The following CEP104 variants were observed in gnomAD, a reference collection of about 807,000 sequenced individuals.
CEP104 encodes the protein centrosomal protein 104.
A neutral mutation model predicts 113.3 loss-of-function variants in CEP104; 84 were observed. That is an observed-to-expected ratio of 0.74 (90% confidence interval 0.62 to 0.89). The LOEUF (loss-of-function observed/expected upper bound fraction) is 0.89. CEP104 is among the 40% of genes least tolerant of loss of function. CEP104 has a pLI of 0.00. For missense variants in CEP104, 1,053 were observed against 1,156.6 expected, an observed-to-expected ratio of 0.91 and a Z score of 1.30; for synonymous variants, 378 against 421.7, an observed-to-expected ratio of 0.90 and a Z score of 1.27.
intron 10 of CEP104, 72 bp from the exon 11 acceptor site, chr1:3,835,164 G>T (rs1378664824): frequency 4.4e-5 from 44 of 1,009,564 alleles, no homozygotes; most frequent in Middle Eastern, 2.5e-4. Flanking sequence ...TGAAGGCTTT[G>T]TTTTTTTTTT....
chr1:3,852,359 C>T lies in CEP104; in HGVS notation c.49G>A (p.Asp17Asn). The T allele has an allele frequency of 6.2e-7, 1 of 1,614,142 alleles. No individual in the cohort carries two copies. The highest frequency in any genetic ancestry group is 8.5e-7 in the Non-Finnish European group (1 of 1,180,008). The part of the protein sequence containing the change: ...FVVVSSSGHE[D>N]GFSARELMIH... ...ATGAGCTCCCGGGCACTGAAGCCGTCTTCGTGTCCAGATGAGCTGACGACT... is the reference window on the plus strand; with the variant it reads ...ATGAGCTCCCGGGCACTGAAGCCGTTTTCGTGTCCAGATGAGCTGACGACT... The change falls in exon 2 of 22, where the codon GAC becomes AAC. Residue 17 changes from aspartate (D) to asparagine (N), a missense_variant. By Grantham distance (23) the Asp-to-Asn change is conservative (BLOSUM62 1). Coordinates refer to ENST00000378230, the MANE Select transcript of CEP104 (RefSeq NM_014704.4).
At chr1:3,842,517 G>A (rs981326924) in intron 6 of CEP104, among the ~76,000 whole-genome samples, 3 of 152,218 alleles carry the variant, frequency 2.0e-5, no homozygotes, top group African/African-American at 7.2e-5. Flanking sequence ...GGGAAGGCTC[G>A]CTGTCCACCA....
At chr1:3,842,371 C>T (rs1445651267) in intron 6 of CEP104, among the ~76,000 whole-genome samples, 3 of 152,230 alleles carry the variant, frequency 2.0e-5, no homozygotes, top group Admixed American at 6.5e-5. Context: ...TGAGCCACCG[C>T]GCCCGGCCTT....
At position 3,848,449 on chromosome 1, in the gene CEP104, G is replaced by A. The variant is rs574109445; in HGVS notation, c.287+159C>T. ...CGGGAGGCTGAGGCAGGAGAATGGC[G>A]TGAACCCGGGAGGCAGAGGCTGCAG... On this transcript the variant is annotated intron_variant, in intron 3 of 21. Coordinates refer to ENST00000378230, the MANE Select transcript of CEP104 (RefSeq NM_014704.4). Among the ~76,000 whole-genome samples, 3 of 148,464 alleles carry A rather than the reference G, an allele frequency of 2.0e-5. No homozygotes were observed. In the South Asian group the frequency reaches 6.4e-4, roughly 32 times the overall value.
chr1:3,838,726 C>T (rs1028097206), intron 8 of CEP104, among the ~76,000 whole-genome samples: 20 of 152,188 alleles, frequency 1.3e-4, no homozygotes, highest in African/African-American at 4.3e-4. Flanking sequence ...AGCAGGGCCT[C>T]GGTTTTCCTG....
At position 3,823,453 on chromosome 1, in the gene CEP104, G is replaced by T. The variant is rs772459042; in HGVS notation, c.2474C>A (p.Pro825His). The T allele has an allele frequency of 6.2e-7, 1 of 1,614,186 alleles. No homozygotes were observed. Among genetic ancestry groups the T allele is most frequent in the South Asian group, 1.1e-5 (1 of 91,080 alleles). ...GCAATCCTTGTGTTTTATGTGTCTG[G>T]GCAGCTCTTCCTTGAAAACAGCCTC... ...CSEAVFKEEL[P>H]RHIKHKDCNP... is the part of the protein sequence containing the mutation. The change falls in exon 19 of 22, where the codon CCC becomes CAC. Residue 825 changes from proline to histidine, a missense_variant. By Grantham distance (77) the Pro-to-His change is moderately conservative (BLOSUM62 -2). Coordinates refer to ENST00000378230, the MANE Select transcript of CEP104 (RefSeq NM_014704.4). The surrounding 1 kb of genome is among the most constrained non-coding windows in gnomAD (Gnocchi z 4.1).
chr1:3,835,099 C>A lies in CEP104; in HGVS notation c.1318-7G>T, dbSNP rs1031845823. 1.7e-5 allele frequency: 28 copies of A among 1,609,412 alleles called. No homozygotes were observed. Among genetic ancestry groups the A allele is most frequent in the Non-Finnish European group, 2.4e-5 (28 of 1,177,414 alleles). On this transcript the variant is annotated splice_region_variant and splice_polypyrimidine_tract_variant and intron_variant, in intron 10 of 21. Coordinates refer to ENST00000378230, the MANE Select transcript of CEP104 (RefSeq NM_014704.4). ...TACAATAGGCCTCAGCAACCTACCA[C>A]AAAACAGGCAGCATTTCATGGCATC...
At chr1:3,834,773 G>T in intron 11 of CEP104, 152 bp downstream of exon 11, 1 of 677,902 alleles carries the variant, frequency 1.5e-6, no homozygotes. Flanking sequence ...GCTCTTGCTA[G>T]AGAACCTCAT....
At chr1:3,853,832 T>G (rs1265822473) in intron 1 of CEP104, among the ~76,000 whole-genome samples, 1 of 152,148 alleles carries the variant, frequency 6.6e-6, no homozygotes, top group Admixed American at 6.5e-5. Context: ...TGGTGGTTCC[T>G]GCCTATAATC....
chr1:3,848,456 C>T (rs899081970), intron 3 of CEP104, 152 bp downstream of exon 3: 20 of 596,934 alleles, frequency 3.4e-5, no homozygotes, highest in South Asian at 4.3e-5. Context: ...GGCGTGAACC[C>T]GGGAGGCAGA....
rs1319423594 is a variant in CEP104, at chr1:3,812,111, T to C, written c.*3291A>G. ...TTTAGTGATCTTTTTATTATATTAATATACTCTGGGTGAATTAACCCTTAA... is the reference window on the plus strand; with the variant it reads ...TTTAGTGATCTTTTTATTATATTAACATACTCTGGGTGAATTAACCCTTAA... On this transcript the variant is annotated 3_prime_UTR_variant, in exon 22 of 22. Coordinates refer to ENST00000378230, the MANE Select transcript of CEP104 (RefSeq NM_014704.4). 1 of 152,214 alleles carries C rather than the reference T, an allele frequency of 6.6e-6. No homozygotes were observed. The highest frequency in any genetic ancestry group is 1.5e-5 in the Non-Finnish European group (1 of 68,034). The allele number at this position is 152,214 out of a possible 1,614,324, so 9.4% of individuals were successfully genotyped here.
rs1456665502 is a variant in CEP104, at chr1:3,815,367, A to G, written c.*35T>C. The G allele has an allele frequency of 1.4e-6, 2 of 1,463,566 alleles. No homozygotes were observed. The highest frequency in any genetic ancestry group is 3.6e-5 in the Admixed American group (2 of 55,024). The allele number at this position is 1,463,566 out of a possible 1,614,324, so 90.7% of individuals were successfully genotyped here. A position where few individuals can be genotyped will look rare whatever the true frequency, so the allele number is the denominator to read the frequency against. ...GGTGTAGAATCAGGAGACCCGCTCC[A>G]TCCCTCACAGAGACCAAGGAGCCCG... On this transcript the variant is annotated 3_prime_UTR_variant, in exon 22 of 22. Coordinates refer to ENST00000378230, the MANE Select transcript of CEP104 (RefSeq NM_014704.4).
intron 11 of CEP104, 76 bp from the exon 12 acceptor site, chr1:3,834,111 AG>A: frequency 8.5e-7 from 1 of 1,170,728 alleles, no homozygotes; most frequent in Non-Finnish European, 1.2e-6. Context: ...ATTTACTATC[AG>A]TAACACATAC....
chr1:3,842,637 G>A (rs890764577), intron 6 of CEP104, among the ~76,000 whole-genome samples: 3 of 152,198 alleles, frequency 2.0e-5, no homozygotes, highest in African/African-American at 7.2e-5. Context: ...CACTTTCTGC[G>A]AGCAGTCTGT....
At chr1:3,831,964 T>A (rs562270857) in intron 12 of CEP104, among the ~76,000 whole-genome samples, 2 of 152,284 alleles carry the variant, frequency 1.3e-5, no homozygotes, top group African/African-American at 4.8e-5. Flanking sequence ...GACAGTAAAC[T>A]CCTTAACTAC....
chr1:3,818,102 C>T lies in CEP104; in HGVS notation c.2572-1732G>A, dbSNP rs543238697. On this transcript the variant is annotated intron_variant, in intron 20 of 21. Coordinates refer to ENST00000378230, the MANE Select transcript of CEP104 (RefSeq NM_014704.4). Reference sequence around the variant, plus strand: ...GCTGAACCCAGCCAGGCCAGCAGGGCATCCTCTCTGATGGGCTGTGCTCTG... The same window carrying T: ...GCTGAACCCAGCCAGGCCAGCAGGGTATCCTCTCTGATGGGCTGTGCTCTG... Among the ~76,000 whole-genome samples the T allele has an allele frequency of 5.9e-5, 9 of 152,368 alleles. No individual in the cohort carries two copies. The South Asian group carries it at 1.7e-3, about 28-fold the overall frequency.
intron 6 of CEP104, among the ~76,000 whole-genome samples, chr1:3,843,649 G>C (rs1391129644): frequency 6.6e-6 from 1 of 151,552 alleles, no homozygotes; most frequent in Non-Finnish European, 1.5e-5. Context: ...ACCACACCCA[G>C]CCTACAATTG....
At chr1:3,821,545 G>A (rs549215501) in intron 20 of CEP104, among the ~76,000 whole-genome samples, 12 of 152,222 alleles carry the variant, frequency 7.9e-5, no homozygotes, top group Non-Finnish European at 1.5e-4. Flanking sequence ...GAACGAAGGA[G>A]GGATGACAGA....
intron 18 of CEP104, among the ~76,000 whole-genome samples, chr1:3,824,047 C>T (rs1644035138): frequency 6.6e-6 from 1 of 152,190 alleles, no homozygotes; most frequent in African/African-American, 2.4e-5. Context: ...ACACTGTGAG[C>T]CAGTTCAACC....
Sources: gnomAD v4.1 joint callset for allele counts (sites outside exome capture counted in the v4.1 genomes callset) on GRCh38, gnomAD v4.1.1 for gene constraint, Gnocchi (gnomAD v3.1) non-coding constraint, MANE v1.5 for transcripts, NCBI Gene and HGNC (gene_info 2026-07-23, HGNC 2026-07-21) for gene names.